The following FLVCR1 variants were observed in gnomAD, a reference collection of about 807,000 sequenced individuals.
FLVCR1 encodes the protein FLVCR choline and heme transporter 1, also known as choline/ethanolamine transporter FLVCR1.
Under a neutral mutation model 53.6 loss-of-function variants are expected in FLVCR1, and 34 were observed. The observed-to-expected ratio is 0.63, with a 90% confidence interval of 0.48 to 0.84. The LOEUF (loss-of-function observed/expected upper bound fraction) is 0.84. Among genes scored for constraint, FLVCR1 ranks in the 40% least tolerant of loss-of-function variants. The pLI is 0.00. For missense variants in FLVCR1, 677 were observed against 696.7 expected, an observed-to-expected ratio of 0.97 and a Z score of 0.32; for synonymous variants, 300 against 286.3, an observed-to-expected ratio of 1.05 and a Z score of -0.48.
chr1:212,890,193 T>C (rs1384959907), intron 8 of FLVCR1, among the ~76,000 whole-genome samples: 1 of 152,156 alleles, frequency 6.6e-6, no homozygotes, highest in East Asian at 1.9e-4. Flanking sequence ...TGCACATGGG[T>C]GTACAATAGA....
Position 212,863,832 on chromosome 1 carries a change from A to C in FLVCR1, c.846A>C (p.Ser282=). 1.2e-6 allele frequency: 2 copies of C among 1,613,784 alleles called. No homozygotes were observed. Among genetic ancestry groups the C allele is most frequent in the South Asian group, 2.2e-5 (2 of 91,078 alleles). The change falls in exon 2 of 10, where the codon TCA becomes TCC. Residue 282 remains serine, a synonymous_variant. Transcript: ENST00000366971. ...TCAGCACCATGTTTTATGGAACATC[A>C]GCTGTTGCCACACTTTTATTTATTT... ...CNISTMFYGT[S]AVATLLFILT...
At chr1:212,860,863 C>T (rs1664219063) in intron 1 of FLVCR1, among the ~76,000 whole-genome samples, 2 of 152,146 alleles carry the variant, frequency 1.3e-5, no homozygotes, top group Admixed American at 1.3e-4. Flanking sequence ...GGGAACACAC[C>T]ACTCAAAATT....
At chr1:212,889,304 A>T (rs1158417417) in intron 8 of FLVCR1, 47 bp downstream of exon 8, 2 of 1,119,126 alleles carry the variant, frequency 1.8e-6, no homozygotes, top group Admixed American at 1.7e-5. Context: ...TCATGTGTTA[A>T]TTTTCATATA....
intron 8 of FLVCR1, among the ~76,000 whole-genome samples, chr1:212,891,772 G>A (rs1665201380): frequency 6.6e-6 from 1 of 152,156 alleles, no homozygotes; most frequent in Non-Finnish European, 1.5e-5. Flanking sequence ...ATTAAGCTTA[G>A]TGAACAAGTC....
At chr1:212,889,306 TTTCATATATATTGC>T in intron 8 of FLVCR1, 49 bp downstream of exon 8, 1 of 1,122,290 alleles carries the variant, frequency 8.9e-7, no homozygotes, top group Non-Finnish European at 1.4e-6. Context: ...ATGTGTTAAT[TTTCATATATATTGC>T]TTCTCAATAG....
chr1:212,858,355 T>A lies in FLVCR1; in HGVS notation c.-98T>A. On this transcript the variant is annotated 5_prime_UTR_variant, in exon 1 of 10. The change creates a new upstream start codon in the 5' untranslated region. Transcript: ENST00000366971. ...GGGGAAGGAGCGGTGGGCCGAGGGG[T>A]TGGAGGTGGGGCCCCAGGAGGACCT... The A allele has an allele frequency of 8.8e-7, 1 of 1,136,760 alleles. No homozygotes were observed. 70.4% of individuals were successfully genotyped at this position (1,136,760 alleles called of 1,614,324 possible).
intron 6 of FLVCR1, among the ~76,000 whole-genome samples, 163 bp from the exon 7 acceptor site, chr1:212,888,326 G>A (rs1026231209): frequency 5.3e-5 from 8 of 152,080 alleles, no homozygotes; most frequent in African/African-American, 1.4e-4. Context: ...CTGTAACCTT[G>A]AGCTGATTGG....
chr1:212,858,817 C>G lies in FLVCR1; in HGVS notation c.365C>G (p.Ala122Gly), dbSNP rs1460927385. The change falls in exon 1 of 10, where the codon GCC becomes GGC. Residue 122 changes from alanine (A) to glycine (G), a missense_variant. By Grantham distance (60) the Ala-to-Gly change is moderately conservative (BLOSUM62 0). Transcript: ENST00000366971. ...TTCAGCCTGTACTCGCTGGTCAACGCCTTTCAGTGGATCCAGTACAGCATC... is the reference window on the plus strand; with the variant it reads ...TTCAGCCTGTACTCGCTGGTCAACGGCTTTCAGTGGATCCAGTACAGCATC... The part of the protein sequence containing the change: ...LIFSLYSLVN[A>G]FQWIQYSIIS... 6.2e-6 allele frequency: 10 copies of G among 1,614,120 alleles called. No homozygotes were observed. Among genetic ancestry groups the G allele is most frequent in the Non-Finnish European group, 8.5e-6 (10 of 1,180,038 alleles).
intron 3 of FLVCR1, among the ~76,000 whole-genome samples, chr1:212,883,053 G>C (rs1664965944): frequency 6.6e-6 from 1 of 152,212 alleles, no homozygotes; most frequent in African/African-American, 2.4e-5. Context: ...TCCATTGCTT[G>C]ACTGGTTGCC....
chr1:212,875,817 G>C (rs1664738208), intron 3 of FLVCR1, among the ~76,000 whole-genome samples: 1 of 150,404 alleles, frequency 6.6e-6, no homozygotes. Context: ...CTCCAGCCTG[G>C]GTGACGGAGC....
At chr1:212,872,860 C>T (rs200777433) in intron 3 of FLVCR1, 42 bp downstream of exon 3, 260 of 1,609,186 alleles carry the variant, frequency 1.6e-4, no homozygotes, top group Admixed American at 2.2e-4. Flanking sequence ...CTGTGTGAGC[C>T]TTTCAGCATT....
intron 1 of FLVCR1, among the ~76,000 whole-genome samples, chr1:212,860,623 C>T (rs1664205697): frequency 6.6e-6 from 1 of 152,110 alleles, no homozygotes; most frequent in African/African-American, 2.4e-5. Context: ...TTATAGCACT[C>T]ATCCCTGTCT....
Position 212,895,232 on chromosome 1 carries a change from C to A in FLVCR1, c.1610C>A (p.Pro537His). ...VDVKAIPADS[P>H]TDQEPKTVML... ...TTTTTATAGATACCAGCTGACAGTCCCACAGACCAAGAACCAAAAACGGTT... is the reference window on the plus strand; with the variant it reads ...TTTTTATAGATACCAGCTGACAGTCACACAGACCAAGAACCAAAAACGGTT... The change falls in exon 10 of 10, where the codon CCC becomes CAC. Residue 537 changes from proline (P) to histidine (H), a missense_variant. Physicochemically the swap from Pro to His is moderately conservative, Grantham distance 77. Transcript: ENST00000366971. 6.2e-7 allele frequency: 1 copy of A among 1,612,564 alleles called. No homozygotes were observed. Among genetic ancestry groups the A allele is most frequent in the Non-Finnish European group, 8.5e-7 (1 of 1,178,930 alleles).
chr1:212,858,729 G>T lies in FLVCR1; in HGVS notation c.277G>T (p.Ala93Ser). 1.9e-6 allele frequency: 3 copies of T among 1,609,306 alleles called. No individual in the cohort carries two copies. Among genetic ancestry groups the T allele is most frequent in the Non-Finnish European group, 2.5e-6 (3 of 1,178,688 alleles). The change falls in exon 1 of 10, where the codon GCC becomes TCC. Residue 93 changes from alanine to serine, a missense_variant. Transcript: ENST00000366971. ...PAGAGAETPG[A>S]ESSPLPLTAL... ...GGGCGCGGGAGCTGAGACCCCGGGG[G>T]CCGAGAGCAGCCCGCTGCCCCTTAC... is the stretch of plus-strand genomic sequence containing the variant.
chr1:212,876,182 C>G (rs1004177963), intron 3 of FLVCR1, among the ~76,000 whole-genome samples: 1 of 151,908 alleles, frequency 6.6e-6, no homozygotes, highest in African/African-American at 2.4e-5. Flanking sequence ...CTCTTCCTCC[C>G]CCAAACCCCA....
Position 212,896,675 on chromosome 1 carries a change from T to G in FLVCR1, c.*1385T>G, listed in dbSNP as rs1665342044. On this transcript the variant is annotated 3_prime_UTR_variant, in exon 10 of 10. Transcript: ENST00000366971. Reference sequence around the variant, plus strand: ...AGGTAATGAATACCCTTGAAGTGAATAGCAATTTTGATTTAGGCAGTGTGT... The same window carrying G: ...AGGTAATGAATACCCTTGAAGTGAAGAGCAATTTTGATTTAGGCAGTGTGT... 1 of 151,926 alleles carries G rather than the reference T, an allele frequency of 6.6e-6. No individual in the cohort carries two copies. The highest frequency in any genetic ancestry group is 2.4e-5 in the African/African-American group (1 of 41,356). 9.4% of individuals were successfully genotyped at this position (151,926 alleles called of 1,614,324 possible). A position where few individuals can be genotyped will look rare whatever the true frequency, so the allele number is the denominator to read the frequency against.
chr1:212,891,235 C>T (rs140336544), intron 8 of FLVCR1, among the ~76,000 whole-genome samples: 226 of 152,012 alleles, frequency 1.5e-3, no homozygotes, highest in African/African-American at 5.1e-3. Flanking sequence ...ATAGTGAAAC[C>T]GTGTCTCTAC....
rs1417351318 is a variant in FLVCR1 at position 212,898,638 on chromosome 1, G to T, written c.*3348G>T. ...TTTTTCTGTATTTTGAGTGAAAGTT[G>T]TCTGTAATATGTCAAGCAAGAATGT... On this transcript the variant is annotated 3_prime_UTR_variant, in exon 10 of 10. Coordinates refer to ENST00000366971, the MANE Select transcript of FLVCR1 (RefSeq NM_014053.4). 6.6e-6 allele frequency: 1 copy of T among 152,196 alleles called. No individual in the cohort carries two copies. Among genetic ancestry groups the T allele is most frequent in the Non-Finnish European group, 1.5e-5 (1 of 68,036 alleles). 9.4% of individuals were successfully genotyped at this position (152,196 alleles called of 1,614,324 possible).
chr1:212,881,301 CT>C (rs35751115), intron 3 of FLVCR1, among the ~76,000 whole-genome samples: 41 of 119,666 alleles, frequency 3.4e-4, no homozygotes, highest in South Asian at 2.2e-3. Context: ...ATTTCTTTGT[CT>C]TTTTTTTTTT....
Sources: allele counts gnomAD v4.1 joint callset (sites outside exome capture counted in the v4.1 genomes callset), GRCh38; gene constraint gnomAD v4.1.1; transcripts MANE v1.5; gene names NCBI Gene and HGNC (gene_info 2026-07-23, HGNC 2026-07-21).